POC1A: variants seen among roughly 807,000 people sequenced by gnomAD.
POC1A encodes POC1 centriolar protein homolog A.
Under a neutral mutation model 47.8 loss-of-function variants are expected in POC1A, and 34 were observed. The observed-to-expected ratio is 0.71, with a 90% CI of 0.54 to 0.95. The LOEUF is 0.95. POC1A is among the 40% of genes least tolerant of loss of function. The pLI is 0.00. For missense variants in POC1A, 466 were observed against 528.3 expected, an observed-to-expected ratio of 0.88 and a Z score of 1.16; for synonymous variants, 177 against 207.6, an observed-to-expected ratio of 0.85 and a Z score of 1.27.
intron 9 of POC1A, among the ~76,000 whole-genome samples, chr3:52,112,013 G>A (rs890071600): frequency 4.6e-5 from 7 of 152,196 alleles, no homozygotes; most frequent in South Asian, 2.1e-4. Context: ...TCACAGCAGA[G>A]CCACAGCAAG....
At chr3:52,150,014 C>T in intron 2 of POC1A, 27 bp from the exon 3 acceptor site, 1 of 1,597,990 alleles carries the variant, frequency 6.3e-7, no homozygotes, top group South Asian at 1.1e-5. Flanking sequence ...ATGCTATGAC[C>T]TACAGCTCTA....
chr3:52,127,679 C>T (rs906259902), intron 7 of POC1A, among the ~76,000 whole-genome samples: 1 of 151,472 alleles, frequency 6.6e-6, no homozygotes, highest in Middle Eastern at 3.2e-3. Flanking sequence ...AGATGTGGGC[C>T]ACTGCACCCA....
intron 5 of POC1A, among the ~76,000 whole-genome samples, chr3:52,146,660 G>A (rs1398141861): frequency 6.6e-6 from 1 of 152,236 alleles, no homozygotes; most frequent in African/African-American, 2.4e-5. Flanking sequence ...AGTGTCAACT[G>A]CTGCCAGACA....
intron 6 of POC1A, among the ~76,000 whole-genome samples, chr3:52,143,624 C>A (rs546729323): frequency 6.6e-6 from 1 of 152,124 alleles, no homozygotes; most frequent in Non-Finnish European, 1.5e-5. Context: ...GGCCCCTCCA[C>A]CCCAACAGGG....
chr3:52,115,764 G>A (rs959964302), intron 9 of POC1A, among the ~76,000 whole-genome samples: 4 of 152,254 alleles, frequency 2.6e-5, no homozygotes, highest in East Asian at 1.9e-4. Context: ...CACTAAACCC[G>A]TTGGTGCTTT....
chr3:52,096,148 G>T (rs1702806090), intron 10 of POC1A, among the ~76,000 whole-genome samples: 1 of 152,272 alleles, frequency 6.6e-6, no homozygotes, highest in Non-Finnish European at 1.5e-5. Flanking sequence ...CCCCAAGGTT[G>T]CACAGAGGAT....
At chr3:52,077,039 C>T (rs950990174) in intron 10 of POC1A, among the ~76,000 whole-genome samples, 2 of 152,278 alleles carry the variant, frequency 1.3e-5, no homozygotes, top group East Asian at 3.8e-4. Context: ...AAGCCTGCCC[C>T]ACTCATCACT....
At chr3:52,149,788 A>T in intron 3 of POC1A, 28 bp downstream of exon 3, 1 of 1,600,808 alleles carries the variant, frequency 6.2e-7, no homozygotes, top group Non-Finnish European at 8.5e-7. Flanking sequence ...CCAGACTCCA[A>T]CAAGCCTCCT....
At chr3:52,145,448 A>C (rs186165684) in intron 6 of POC1A, among the ~76,000 whole-genome samples, 42 of 152,318 alleles carry the variant, frequency 2.8e-4, no homozygotes, top group African/African-American at 7.7e-4. Flanking sequence ...CCACAGGTCA[A>C]GGGCTGTCAC....
Position 52,083,989 on chromosome 3 carries a change from C to A in POC1A, c.1126-8004G>T, listed in dbSNP as rs527358502. ...GAGCCCTAGGGCCCTCAGCTCGAAA[C>A]AGAAGGGAACAGAGAAGCCTCCACT... On this transcript the variant is annotated intron_variant, in intron 10 of 10. Coordinates refer to ENST00000296484, the MANE Select transcript of POC1A (RefSeq NM_015426.5). 2.6e-5 allele frequency among the ~76,000 whole-genome samples: 4 copies of A among 152,350 alleles called. No homozygotes were observed. The South Asian group carries it at 8.3e-4, about 32-fold the overall frequency.
chr3:52,076,192 G>C (rs1290803528), intron 10 of POC1A, among the ~76,000 whole-genome samples: 3 of 152,180 alleles, frequency 2.0e-5, no homozygotes, highest in Non-Finnish European at 2.9e-5. Flanking sequence ...GCTCTGGATG[G>C]CTGATCTATA....
In POC1A at chr3:52,084,011, C is replaced by A. The variant is rs930961247; in HGVS notation, c.1126-8026G>T. ...AAACAGAAGGGAACAGAGAAGCCTC[C>A]ACTCCCTGGCACTGCCTCACCAGGC... On this transcript the variant is annotated intron_variant, in intron 10 of 10. Coordinates refer to ENST00000296484, the MANE Select transcript of POC1A (RefSeq NM_015426.5). The surrounding 1 kb of genome is among the most constrained non-coding windows in gnomAD (Gnocchi z 4.3). Among the ~76,000 whole-genome samples the A allele has an allele frequency of 3.3e-5, 5 of 152,242 alleles. No homozygotes were observed. The highest frequency in any genetic ancestry group is 1.2e-4 in the African/African-American group (5 of 41,462).
intron 9 of POC1A, among the ~76,000 whole-genome samples, chr3:52,101,967 T>C (rs1703019941): frequency 6.6e-6 from 1 of 152,250 alleles, no homozygotes; most frequent in South Asian, 2.1e-4. Flanking sequence ...TCAGTTTGTA[T>C]AGTTTCACGA....
chr3:52,124,594 G>C (rs1309896715), intron 8 of POC1A, among the ~76,000 whole-genome samples: 1 of 152,216 alleles, frequency 6.6e-6, no homozygotes, highest in Non-Finnish European at 1.5e-5. Context: ...TCTGAAGTGA[G>C]ACAGGCCCCA....
chr3:52,097,638 C>A (rs1702866392), intron 9 of POC1A, among the ~76,000 whole-genome samples: 2 of 152,172 alleles, frequency 1.3e-5, no homozygotes, highest in Admixed American at 1.3e-4. Context: ...GCATGTTTTC[C>A]TTTATTAGGT....
intron 10 of POC1A, among the ~76,000 whole-genome samples, chr3:52,092,405 G>A (rs1471714238): frequency 2.6e-5 from 4 of 152,200 alleles, no homozygotes; most frequent in Non-Finnish European, 5.9e-5. Context: ...GGCCCACAGT[G>A]GTTGAGATCA....
At chr3:52,133,375 G>A (rs981587957) in intron 7 of POC1A, among the ~76,000 whole-genome samples, 7 of 152,248 alleles carry the variant, frequency 4.6e-5, no homozygotes, top group East Asian at 1.9e-4. Flanking sequence ...CCCAGTCTCC[G>A]GTATTTTATT....
chr3:52,117,216 G>T (rs901704801), intron 9 of POC1A, among the ~76,000 whole-genome samples: 1 of 151,936 alleles, frequency 6.6e-6, no homozygotes, highest in Non-Finnish European at 1.5e-5. Flanking sequence ...AGCTGGGTGT[G>T]GGGGCACACG....
At chr3:52,097,089 G>C (rs1199383277) in intron 9 of POC1A, among the ~76,000 whole-genome samples, 1 of 152,260 alleles carries the variant, frequency 6.6e-6, no homozygotes, top group Non-Finnish European at 1.5e-5. Context: ...GGTGAGTCCA[G>C]AGATGCTGAA....
Sources: gnomAD v4.1 joint callset for allele counts (sites outside exome capture counted in the v4.1 genomes callset) on GRCh38, gnomAD v4.1.1 for gene constraint, Gnocchi (gnomAD v3.1) non-coding constraint, MANE v1.5 for transcripts, NCBI Gene and HGNC (gene_info 2026-07-23, HGNC 2026-07-21) for gene names.